LYPD6B: variants seen among roughly 807,000 people sequenced by gnomAD.
LYPD6B encodes LY6/PLAUR domain containing 6B.
A neutral mutation model predicts 22.8 loss-of-function variants in LYPD6B; 17 were observed. The observed-to-expected ratio is 0.75, with a 90% confidence interval of 0.51 to 1.12. LYPD6B has a LOEUF of 1.12. Ranked by LOEUF, LYPD6B falls within the 50% of genes most tolerant of loss-of-function variation. LYPD6B has a pLI of 0.00. For missense variants in LYPD6B, 221 were observed against 258.3 expected (o/e 0.86, Z 0.99); for synonymous variants, 106 against 91.6 (o/e 1.16, Z -0.90).
rs1249489173 is a variant in LYPD6B, at chr2:149,191,157, T to TGCTTAGA, written c.78-14093_78-14087dup. Among the ~76,000 whole-genome samples, 3 of 152,212 alleles carry TGCTTAGA rather than the reference T, an allele frequency of 2.0e-5. No homozygotes were observed. The East Asian group carries it at 5.8e-4, about 29-fold the overall frequency. On this transcript the variant is annotated intron_variant, in intron 3 of 6. Transcript: ENST00000409642. ...TCTATTTTCTCACTCATTTTGAGAATGCTTAGAGCAAACTCCAGATATATT... is the reference window on the plus strand; with the variant it reads ...TCTATTTTCTCACTCATTTTGAGAATGCTTAGAGCTTAGAGCAAACTCCAGATATATT...
At chr2:149,124,486 A>G (rs555678466) in intron 1 of LYPD6B, among the ~76,000 whole-genome samples, 1 of 152,324 alleles carries the variant, frequency 6.6e-6, no homozygotes, top group African/African-American at 2.4e-5. Context: ...ACACGATACA[A>G]CGAACAGGTG....
At chr2:149,206,059 T>C in intron 4 of LYPD6B, 1 of 464,334 alleles carries the variant, frequency 2.2e-6, no homozygotes. Context: ...AGAGAGTGAT[T>C]CTTATAAATA....
At chr2:149,065,811 C>T (rs1684292860) in intron 1 of LYPD6B, among the ~76,000 whole-genome samples, 1 of 152,152 alleles carries the variant, frequency 6.6e-6, no homozygotes, top group Non-Finnish European at 1.5e-5. Context: ...CAGGCTCAAG[C>T]AGTCCTCTTG....
chr2:149,075,779 TC>T (rs1684853478), intron 1 of LYPD6B, among the ~76,000 whole-genome samples: 1 of 152,212 alleles, frequency 6.6e-6, no homozygotes, highest in African/African-American at 2.4e-5. Flanking sequence ...AATAAATGCT[TC>T]TGATCACTAA....
At chr2:149,075,983 C>T (rs1481959644) in intron 1 of LYPD6B, among the ~76,000 whole-genome samples, 3 of 152,138 alleles carry the variant, frequency 2.0e-5, no homozygotes, top group African/African-American at 7.2e-5. Flanking sequence ...AGGCAGGAGG[C>T]TGACGGAGTT....
intron 3 of LYPD6B, among the ~76,000 whole-genome samples, chr2:149,195,068 T>G (rs1692721199): frequency 6.6e-6 from 1 of 152,228 alleles, no homozygotes. Flanking sequence ...TTCACTTAAA[T>G]GAACAATCAA....
At chr2:149,086,736 G>A (rs141483281) in intron 1 of LYPD6B, among the ~76,000 whole-genome samples, 1 of 152,142 alleles carries the variant, frequency 6.6e-6, no homozygotes, top group Non-Finnish European at 1.5e-5. Context: ...CAATTCTGAG[G>A]CTGGGAGTCC....
At chr2:149,039,250 G>T (rs1682957031) in intron 1 of LYPD6B, among the ~76,000 whole-genome samples, 5 of 152,244 alleles carry the variant, frequency 3.3e-5, no homozygotes, top group Admixed American at 3.3e-4. Flanking sequence ...CCCCTGCAGC[G>T]CTTCACGCGC....
chr2:149,102,035 G>T (rs1217493059), intron 1 of LYPD6B, among the ~76,000 whole-genome samples: 2 of 152,184 alleles, frequency 1.3e-5, no homozygotes, highest in East Asian at 3.9e-4. Context: ...AGAGCTGCAC[G>T]TAGACCCAGA....
chr2:149,110,059 G>T (rs968723329), intron 1 of LYPD6B, among the ~76,000 whole-genome samples: 1 of 151,982 alleles, frequency 6.6e-6, no homozygotes, highest in Non-Finnish European at 1.5e-5. Flanking sequence ...TTTTATTTTG[G>T]ATGGTTTCTA....
chr2:149,166,858 A>T (rs962943301), intron 3 of LYPD6B, among the ~76,000 whole-genome samples: 3 of 151,810 alleles, frequency 2.0e-5, no homozygotes, highest in Non-Finnish European at 4.4e-5. Flanking sequence ...GACTAGGGAG[A>T]CCCAAGCTGC....
chr2:149,159,978 A>C, intron 2 of LYPD6B, among the ~76,000 whole-genome samples: 1 of 152,068 alleles, frequency 6.6e-6, no homozygotes, highest in East Asian at 1.9e-4. Flanking sequence ...AGCCTAGCCA[A>C]GTTGATGTAT....
intron 2 of LYPD6B, among the ~76,000 whole-genome samples, chr2:149,150,443 C>A (rs385629): frequency 6.6e-6 from 1 of 152,024 alleles, no homozygotes; most frequent in Non-Finnish European, 1.5e-5. Flanking sequence ...AAAATTATCT[C>A]TCAAGTTTAA....
At chr2:149,194,812 T>C (rs1692708115) in intron 3 of LYPD6B, among the ~76,000 whole-genome samples, 1 of 152,106 alleles carries the variant, frequency 6.6e-6, no homozygotes, top group African/African-American at 2.4e-5. Flanking sequence ...AGAGGGTGTT[T>C]CTGGAGAAGC....
At chr2:149,088,373 A>G (rs1194083217) in intron 1 of LYPD6B, among the ~76,000 whole-genome samples, 1 of 151,988 alleles carries the variant, frequency 6.6e-6, no homozygotes, top group Non-Finnish European at 1.5e-5. Context: ...GGGGAGGAAA[A>G]CCCAAACAGA....
At chr2:149,070,574 T>C (rs570316477) in intron 1 of LYPD6B, among the ~76,000 whole-genome samples, 2 of 152,272 alleles carry the variant, frequency 1.3e-5, no homozygotes, top group African/African-American at 4.8e-5. Flanking sequence ...AAATAATGGC[T>C]GAATGGAAGG....
At chr2:149,057,573 C>T (rs1404327575) in intron 1 of LYPD6B, among the ~76,000 whole-genome samples, 1 of 152,028 alleles carries the variant, frequency 6.6e-6, no homozygotes, top group East Asian at 1.9e-4. Context: ...AAAGTCCCCT[C>T]CAGTCCCTAC....
At chr2:149,065,700 A>G (rs1246049227) in intron 1 of LYPD6B, among the ~76,000 whole-genome samples, 10 of 152,066 alleles carry the variant, frequency 6.6e-5, no homozygotes, top group Admixed American at 6.5e-4. Flanking sequence ...GTGTGTTCCA[A>G]TACAACTTAT....
chr2:149,099,350 G>A (rs1201948347), intron 1 of LYPD6B, among the ~76,000 whole-genome samples: 3 of 152,054 alleles, frequency 2.0e-5, no homozygotes, highest in Admixed American at 2.0e-4. Flanking sequence ...GGGACTGCCA[G>A]ACCCTTACAG....
Sources: gnomAD v4.1 joint callset for allele counts (sites outside exome capture counted in the v4.1 genomes callset) on GRCh38, gnomAD v4.1.1 for gene constraint, MANE v1.5 for transcripts, NCBI Gene and HGNC (gene_info 2026-07-23, HGNC 2026-07-21) for gene names.